The following CEP85L variants were observed in gnomAD, a reference collection of about 807,000 sequenced individuals.
The protein encoded by CEP85L is centrosomal protein 85L, also known as centrosomal protein of 85 kDa-like.
CEP85L carries 60 observed loss-of-function variants against 100.3 expected under a neutral mutation model. The observed-to-expected ratio is 0.60, with a 90% CI of 0.49 to 0.74. The LOEUF (loss-of-function observed/expected upper bound fraction) is 0.74. Among genes scored for constraint, CEP85L ranks in the 30% least tolerant of loss-of-function variants. The pLI, the probability that CEP85L is intolerant of heterozygous loss-of-function variation, is 0.00. For synonymous variants in CEP85L, 319 were observed against 322.7 expected, an observed-to-expected ratio of 0.99 and a Z score of 0.12; for missense variants, 973 against 936.2, an observed-to-expected ratio of 1.04 and a Z score of -0.51.
chr6:118,675,115 C>T (rs1273225402), intron 1 of CEP85L, among the ~76,000 whole-genome samples: 4 of 152,148 alleles, frequency 2.6e-5, no homozygotes, highest in Admixed American at 2.6e-4. Context: ...CACACATGCA[C>T]TCACATACAA....
chr6:118,471,491 T>C (rs1174123534), intron 10 of CEP85L, among the ~76,000 whole-genome samples: 1 of 152,014 alleles, frequency 6.6e-6, no homozygotes, highest in African/African-American at 2.4e-5. Flanking sequence ...ACCACCTAAA[T>C]AGCACACAAT....
chr6:118,537,907 G>C (rs1216717118), intron 3 of CEP85L: 6 of 984,810 alleles, frequency 6.1e-6, no homozygotes, highest in African/African-American at 1.7e-5. Flanking sequence ...TATCTGAAGA[G>C]ATACTCTACA....
chr6:118,484,232 C>T (rs1774009464), intron 6 of CEP85L, among the ~76,000 whole-genome samples: 1 of 152,218 alleles, frequency 6.6e-6, no homozygotes, highest in Non-Finnish European at 1.5e-5. Flanking sequence ...ATGAGAATCG[C>T]TTGAACTGGG....
intron 2 of CEP85L, among the ~76,000 whole-genome samples, chr6:118,568,440 G>T (rs116988609): frequency 6.6e-6 from 1 of 152,142 alleles, no homozygotes; most frequent in African/African-American, 2.4e-5. Context: ...AAAAGAATGT[G>T]GCTGTATAAC....
intron 8 of CEP85L, among the ~76,000 whole-genome samples, 160 bp from the exon 9 acceptor site, chr6:118,480,673 C>T (rs1466340956): frequency 6.6e-6 from 1 of 152,086 alleles, no homozygotes; most frequent in Non-Finnish European, 1.5e-5. Flanking sequence ...ATCTATAGTT[C>T]ATAACAAGTA....
At chr6:118,494,052 G>A (rs1774761300) in intron 5 of CEP85L, among the ~76,000 whole-genome samples, 2 of 152,152 alleles carry the variant, frequency 1.3e-5, no homozygotes, top group African/African-American at 4.8e-5. Flanking sequence ...AGGTTACAGG[G>A]CAAACTGCTG....
At chr6:118,510,264 GA>G (rs1469916016) in intron 5 of CEP85L, among the ~76,000 whole-genome samples, 30 of 151,852 alleles carry the variant, frequency 2.0e-4, no homozygotes, top group Admixed American at 6.6e-4. Flanking sequence ...TTACATAGAG[GA>G]AAAGGAAATA....
intron 2 of CEP85L, among the ~76,000 whole-genome samples, chr6:118,621,427 A>G (rs1378730673): frequency 6.6e-6 from 1 of 152,168 alleles, no homozygotes; most frequent in Non-Finnish European, 1.5e-5. Flanking sequence ...TGAGGATCCT[A>G]CAGACCACAC....
At chr6:118,497,628 A>G (rs1169368930) in intron 5 of CEP85L, among the ~76,000 whole-genome samples, 1 of 152,178 alleles carries the variant, frequency 6.6e-6, no homozygotes, top group Non-Finnish European at 1.5e-5. Flanking sequence ...AAGGTTAGGG[A>G]CTTCTGCTAT....
At chr6:118,481,417 G>A (rs1183161260) in intron 8 of CEP85L, among the ~76,000 whole-genome samples, 1 of 151,964 alleles carries the variant, frequency 6.6e-6, no homozygotes, top group Non-Finnish European at 1.5e-5. Context: ...TATGCTTCTA[G>A]TTCTTAATAC....
At position 118,469,100 on chromosome 6, in the gene CEP85L, A is replaced by T. The variant is rs754444194; in HGVS notation, c.2226T>A (p.Pro742=). 6.2e-7 allele frequency: 1 copy of T among 1,613,148 alleles called. No individual in the cohort carries two copies. Among genetic ancestry groups the T allele is most frequent in the South Asian group, 1.1e-5 (1 of 91,076 alleles). Residue 742 remains proline, a synonymous_variant, in exon 12 of 13, where the codon CCT becomes CCA. Transcript: ENST00000368491. Reference sequence around the variant, plus strand: ...TTATTCCCAGTAATAATGAAAGATTAGGCTCCTTGCCCTGAGCACGCTGAT... The same window carrying T: ...TTATTCCCAGTAATAATGAAAGATTTGGCTCCTTGCCCTGAGCACGCTGAT... ...ILNQRAQGKE[P]NLSLLLGIRS...
At chr6:118,700,725 T>C (rs2046951) in intron 1 of CEP85L, among the ~76,000 whole-genome samples, 56,659 of 152,076 alleles carry the variant, frequency 0.37, 10,761 homozygotes, top group Middle Eastern at 0.44. Flanking sequence ...CTTGCGAAAC[T>C]GTTCCCTAGA....
intron 2 of CEP85L, among the ~76,000 whole-genome samples, chr6:118,588,718 T>TG (rs768996120): frequency 3.9e-5 from 6 of 152,176 alleles, no homozygotes; most frequent in Non-Finnish European, 8.8e-5. Flanking sequence ...CTATATAACT[T>TG]GTATAACTCA....
At chr6:118,555,063 A>G (rs1194905534) in intron 3 of CEP85L, among the ~76,000 whole-genome samples, 4 of 152,184 alleles carry the variant, frequency 2.6e-5, no homozygotes, top group Admixed American at 6.5e-5. Flanking sequence ...TCACAAAACC[A>G]TATGTTCAAA....
intron 2 of CEP85L, among the ~76,000 whole-genome samples, chr6:118,624,249 A>G (rs1773641181): frequency 6.6e-6 from 1 of 152,186 alleles, no homozygotes; most frequent in South Asian, 2.1e-4. Context: ...GCTCTCTTTA[A>G]TGGAGTCCTT....
At chr6:118,581,880 G>C (rs1259339932) in intron 2 of CEP85L, among the ~76,000 whole-genome samples, 6 of 152,050 alleles carry the variant, frequency 3.9e-5, no homozygotes, top group African/African-American at 1.4e-4. Context: ...AGATAAACCT[G>C]GCCCGCTGCG....
At chr6:118,551,118 T>A (rs1258858897) in intron 3 of CEP85L, among the ~76,000 whole-genome samples, 1 of 151,894 alleles carries the variant, frequency 6.6e-6, no homozygotes, top group African/African-American at 2.4e-5. Context: ...TTCACAAAAA[T>A]CACATTTCGA....
chr6:118,602,857 G>T (rs908501891), intron 2 of CEP85L, among the ~76,000 whole-genome samples: 1 of 151,560 alleles, frequency 6.6e-6, no homozygotes, highest in South Asian at 2.1e-4. Context: ...GTCTCGCACG[G>T]TCACCCAGGC....
At chr6:118,678,887 G>A (rs934975871) in intron 1 of CEP85L, among the ~76,000 whole-genome samples, 4 of 152,076 alleles carry the variant, frequency 2.6e-5, no homozygotes, top group Admixed American at 1.3e-4. Context: ...AGCCCAGATC[G>A]TGCTACTGCA....
Sources: gnomAD v4.1 joint callset for allele counts (sites outside exome capture counted in the v4.1 genomes callset) on GRCh38, gnomAD v4.1.1 for gene constraint, MANE v1.5 for transcripts, NCBI Gene and HGNC (gene_info 2026-07-23, HGNC 2026-07-21) for gene names.